PAPPA: variants seen among roughly 807,000 people sequenced by gnomAD.
PAPPA encodes the protein pappalysin 1.
A neutral mutation model predicts 164.0 loss-of-function variants in PAPPA; 60 were observed. The observed-to-expected ratio is 0.37, with a 90% CI of 0.30 to 0.45. The LOEUF is 0.45. PAPPA is among the 20% of genes least tolerant of loss of function. The pLI is 1.00. For missense variants in PAPPA, 1,782 were observed against 2,087.3 expected, an observed-to-expected ratio of 0.85 and a Z score of 2.85; for synonymous variants, 875 against 814.1, an observed-to-expected ratio of 1.07 and a Z score of -1.27.
intron 9 of PAPPA, among the ~76,000 whole-genome samples, chr9:116,285,066 T>G (rs1845315976): frequency 6.6e-6 from 1 of 152,174 alleles, no homozygotes; most frequent in African/African-American, 2.4e-5. Context: ...GAGATAAATT[T>G]AAATTCCTTA....
Position 116,154,509 on chromosome 9 carries a change from G to C in PAPPA, c.337G>C (p.Glu113Gln). Residue 113 changes from glutamate (E) to glutamine (Q), a missense_variant, in exon 1 of 22, where the codon GAG (glutamate) becomes CAG (glutamine). Transcript: ENST00000328252. The surrounding 1 kb of genome is among the most constrained non-coding windows in gnomAD (Gnocchi z 5.2). ...GEQLRLRADL[E>Q]LPRDAFTLQV... Reference sequence around the variant, plus strand: ...GCAGCTGCGCCTCCGGGCCGACCTCGAGCTGCCCCGGGACGCGTTCACGCT... The same window carrying C: ...GCAGCTGCGCCTCCGGGCCGACCTCCAGCTGCCCCGGGACGCGTTCACGCT... The C allele has an allele frequency of 7.3e-7, 1 of 1,378,274 alleles. No homozygotes were observed. The highest frequency in any genetic ancestry group is 9.4e-7 in the Non-Finnish European group (1 of 1,063,384). The allele number at this position is 1,378,274 out of a possible 1,614,324, so 85.4% of individuals were successfully genotyped here.
chr9:116,382,376 C>T lies in PAPPA; in HGVS notation c.4678-19C>T. On this transcript the variant is annotated intron_variant, in intron 20 of 21. Transcript: ENST00000328252. ...GATGCTAACAAGGCCTCATTTCCTC[C>T]TTCTGTCTCCCTTTCCAGCCCTTCA... 1 of 1,558,804 alleles carries T rather than the reference C, an allele frequency of 6.4e-7. No individual in the cohort carries two copies. Among genetic ancestry groups the T allele is most frequent in the Non-Finnish European group, 8.9e-7 (1 of 1,129,530 alleles).
intron 1 of PAPPA, among the ~76,000 whole-genome samples, chr9:116,155,477 G>C (rs542311354): frequency 7.2e-4 from 110 of 152,332 alleles, no homozygotes; most frequent in Middle Eastern, 3.4e-3. Context: ...GAGCGGAGGT[G>C]GGGGCGGCGC....
At chr9:116,314,506 C>A (rs1335649870) in intron 10 of PAPPA, among the ~76,000 whole-genome samples, 3 of 152,146 alleles carry the variant, frequency 2.0e-5, no homozygotes, top group African/African-American at 7.2e-5. Flanking sequence ...GGATCATATT[C>A]TCCGTATTCA....
At chr9:116,254,755 C>T (rs1387607792) in intron 7 of PAPPA, among the ~76,000 whole-genome samples, 1 of 139,302 alleles carries the variant, frequency 7.2e-6, no homozygotes, top group Non-Finnish European at 1.5e-5. Flanking sequence ...GCACTCCAGC[C>T]TGGGTGACAG....
intron 1 of PAPPA, among the ~76,000 whole-genome samples, chr9:116,180,640 C>T (rs201538746): frequency 2.6e-5 from 4 of 152,066 alleles, no homozygotes; most frequent in East Asian, 3.9e-4. Context: ...AACAATAATA[C>T]GAATTGCATA....
intron 1 of PAPPA, among the ~76,000 whole-genome samples, chr9:116,179,787 AG>A (rs1225272222): frequency 6.6e-6 from 1 of 152,210 alleles, no homozygotes; most frequent in Non-Finnish European, 1.5e-5. Context: ...GACAGATAAA[AG>A]CTTTCCATAG....
rs12336783 is a variant in PAPPA, at chr9:116,394,511, C to T, written c.4777-1998C>T. ...ATGATAGTACTTTCCACACTCTACC[C>T]CAGTGGTTGGATTTTGACTTGGCTT... On this transcript the variant is annotated intron_variant, in intron 21 of 21. Transcript: ENST00000328252. Among the ~76,000 whole-genome samples, 768 of 152,276 alleles carry T rather than the reference C, an allele frequency of 5.0e-3. 3 individuals carry two copies. Among genetic ancestry groups the T allele is most frequent in the African/African-American group, 0.018 (737 of 41,550 alleles).
At chr9:116,249,555 A>G (rs1212004551) in intron 7 of PAPPA, among the ~76,000 whole-genome samples, 2 of 152,152 alleles carry the variant, frequency 1.3e-5, no homozygotes, top group Admixed American at 1.3e-4. Flanking sequence ...ATGTCTGGAT[A>G]GAAGTAAGGA....
chr9:116,363,861 T>C (rs1379722279), intron 18 of PAPPA, among the ~76,000 whole-genome samples: 1 of 152,210 alleles, frequency 6.6e-6, no homozygotes, highest in African/African-American at 2.4e-5. Flanking sequence ...TGCCCTCAGA[T>C]AGCAGAAGTT....
chr9:116,244,586 CTTAAA>C (rs1844774387), intron 7 of PAPPA, among the ~76,000 whole-genome samples: 1 of 151,954 alleles, frequency 6.6e-6, no homozygotes, highest in Non-Finnish European at 1.5e-5. Context: ...ATACATCCCC[CTTAAA>C]TTAAGAGAGA....
At chr9:116,246,285 C>T (rs951518322) in intron 7 of PAPPA, among the ~76,000 whole-genome samples, 10 of 152,130 alleles carry the variant, frequency 6.6e-5, no homozygotes, top group Non-Finnish European at 4.4e-5. Context: ...AACTATGTAA[C>T]GGGCCCACAT....
intron 17 of PAPPA, among the ~76,000 whole-genome samples, chr9:116,360,214 C>T (rs1433020123): frequency 6.6e-6 from 1 of 152,240 alleles, no homozygotes; most frequent in African/African-American, 2.4e-5. Flanking sequence ...CAATTTCCTA[C>T]TCCCCAGAGG....
At chr9:116,166,562 C>T (rs1435316017) in intron 1 of PAPPA, among the ~76,000 whole-genome samples, 1 of 152,158 alleles carries the variant, frequency 6.6e-6, no homozygotes, top group African/African-American at 2.4e-5. Context: ...ACCTCAGGAT[C>T]TGGAATTCTC....
intron 12 of PAPPA, among the ~76,000 whole-genome samples, chr9:116,333,224 G>C (rs1440683706): frequency 6.6e-6 from 1 of 152,158 alleles, no homozygotes; most frequent in East Asian, 1.9e-4. Context: ...CAATCTTCCT[G>C]TCCTCACAGC....
At chr9:116,335,186 C>T in intron 13 of PAPPA, 112 bp downstream of exon 13, 2 of 839,382 alleles carry the variant, frequency 2.4e-6, no homozygotes, top group Non-Finnish European at 3.8e-6. Context: ...TGCATTTCTC[C>T]CTTCTCCATC....
At chr9:116,315,780 T>C (rs897779690) in intron 10 of PAPPA, among the ~76,000 whole-genome samples, 1 of 151,958 alleles carries the variant, frequency 6.6e-6, no homozygotes, top group Non-Finnish European at 1.5e-5. Context: ...AGAAGGAATA[T>C]AGAATGAAGA....
In PAPPA at chr9:116,187,358, T is replaced by C. The variant is rs1195127090; in HGVS notation, c.620T>C (p.Phe207Ser). 1 of 1,614,084 alleles carries C rather than the reference T, an allele frequency of 6.2e-7. No individual in the cohort carries two copies. The highest frequency in any genetic ancestry group is 8.5e-7 in the Non-Finnish European group (1 of 1,180,020). The change falls in exon 2 of 22, where the codon TTC (phenylalanine) becomes TCC (serine). Residue 207 changes from phenylalanine to serine, a missense_variant. Phe to Ser is a radical substitution (Grantham distance 155). Coordinates refer to ENST00000328252, the MANE Select transcript of PAPPA (RefSeq NM_002581.5). This position sits in a 1 kb window ranked among gnomAD's most constrained non-coding sequence, Gnocchi z 4.2. ...VYLAATYDGQ[F>S]MKLYVNGAQV... ...CTAGCTGCCACCTATGATGGGCAGT[T>C]CATGAAGCTCTATGTGAATGGTGCC...
intron 7 of PAPPA, among the ~76,000 whole-genome samples, chr9:116,246,443 T>G (rs781389139): frequency 6.6e-6 from 1 of 152,224 alleles, no homozygotes; most frequent in Non-Finnish European, 1.5e-5. Context: ...TATTTAATCC[T>G]TTTAAAAAAT....
Sources: gnomAD v4.1 joint callset for allele counts (sites outside exome capture counted in the v4.1 genomes callset) on GRCh38, gnomAD v4.1.1 for gene constraint, Gnocchi (gnomAD v3.1) non-coding constraint, MANE v1.5 for transcripts, NCBI Gene and HGNC (gene_info 2026-07-23, HGNC 2026-07-21) for gene names.